Variants in PIWIL2 observed in about 807,000 individuals in gnomAD.
PIWIL2 encodes the protein piwi like RNA-mediated gene silencing 2.
In PIWIL2, 81 loss-of-function variants were observed where a neutral mutation model predicts 116.5. That is an observed-to-expected ratio of 0.70 (90% CI 0.58 to 0.84). The LOEUF (loss-of-function observed/expected upper bound fraction) is 0.84, where lower values mean the gene tolerates loss of function less well. Among genes scored for constraint, PIWIL2 ranks in the 40% least tolerant of loss-of-function variants. The probability of loss-of-function intolerance (pLI) is 0.00; values close to 1 mark genes in which losing one functional copy is unlikely to be tolerated. For synonymous variants in PIWIL2, 489 were observed against 429.5 expected (o/e 1.14, Z -1.71); for missense variants, 1,272 against 1,212.3 (o/e 1.05, Z -0.73).
At position 22,309,758 on chromosome 8, in the gene PIWIL2, A is replaced by G. The variant is rs573581817; in HGVS notation, c.1687-203A>G. On this transcript the variant is annotated intron_variant, in intron 14 of 22. Transcript: ENST00000356766. ...CTTCAATAATGAAAGACTAGTACCT[A>G]TAATAATTTTACCTATATAAATGTA... Among the ~76,000 whole-genome samples, 174 of 152,360 alleles carry G rather than the reference A, an allele frequency of 1.1e-3. 1 individual carries two copies. The highest frequency in any genetic ancestry group is 4.0e-3 in the African/African-American group (167 of 41,600).
At chr8:22,344,318 A>G (rs1832177332) in intron 20 of PIWIL2, among the ~76,000 whole-genome samples, 1 of 152,220 alleles carries the variant, frequency 6.6e-6, no homozygotes, top group South Asian at 2.1e-4. Flanking sequence ...CAACACAAAT[A>G]TGTAAACTGT....
rs779519599 is a variant in PIWIL2, at chr8:22,289,804, A to G, written c.987-43A>G. On this transcript the variant is annotated intron_variant, in intron 8 of 22. Transcript: ENST00000356766. ...GCTAAGAATAATGGAACATAATTTT[A>G]TTACTCTTCTATTAGAAAACTCATA... 3 of 1,157,458 alleles carry G rather than the reference A, an allele frequency of 2.6e-6. No homozygotes were observed. In the South Asian group the frequency reaches 3.7e-5, roughly 14 times the overall value. 71.7% of individuals were successfully genotyped at this position (1,157,458 alleles called of 1,614,324 possible). A position where few individuals can be genotyped will look rare whatever the true frequency, so the allele number is the denominator to read the frequency against.
At chr8:22,335,635 C>CCT (rs1326849921) in intron 20 of PIWIL2, among the ~76,000 whole-genome samples, 1 of 150,130 alleles carries the variant, frequency 6.7e-6, no homozygotes, top group African/African-American at 2.5e-5. Flanking sequence ...GCAGCGTCTG[C>CCT]CTCCTGGGTT....
At chr8:22,317,630 A>G (rs1259359506) in intron 19 of PIWIL2, among the ~76,000 whole-genome samples, 1 of 151,886 alleles carries the variant, frequency 6.6e-6, no homozygotes, top group Non-Finnish European at 1.5e-5. Flanking sequence ...AATATCCACA[A>G]TTACACTTTT....
At chr8:22,275,867 A>C (rs1830354764) in intron 1 of PIWIL2, 1 of 152,326 alleles carries the variant, frequency 6.6e-6, no homozygotes, top group Non-Finnish European at 1.5e-5. Context: ...CCTTTCGGAC[A>C]GCCAAGTATC....
chr8:22,284,426 A>T (rs1394273409), intron 6 of PIWIL2, among the ~76,000 whole-genome samples, 154 bp downstream of exon 6: 1 of 152,186 alleles, frequency 6.6e-6, no homozygotes, highest in Non-Finnish European at 1.5e-5. Context: ...GTTTAAGGTT[A>T]ATCTTAAACT....
intron 20 of PIWIL2, among the ~76,000 whole-genome samples, chr8:22,327,853 A>G (rs1052030800): frequency 3.9e-5 from 6 of 152,156 alleles, no homozygotes; most frequent in African/African-American, 1.2e-4. Flanking sequence ...TCTGGAAACT[A>G]TACTCTTATC....
chr8:22,353,197 T>A lies in PIWIL2; in HGVS notation c.2642T>A (p.Ile881Lys), dbSNP rs1397440632. The A allele has an allele frequency of 3.1e-6, 5 of 1,612,124 alleles. No homozygotes were observed. Among genetic ancestry groups the A allele is most frequent in the Non-Finnish European group, 4.2e-6 (5 of 1,178,486 alleles). The change falls in exon 21 of 23, where the codon ATA (isoleucine) becomes AAA (lysine). Residue 881 changes from isoleucine to lysine, a missense_variant. By Grantham distance (102) the Ile-to-Lys change is moderately radical. Coordinates refer to ENST00000356766, the MANE Select transcript of PIWIL2 (RefSeq NM_018068.5). ...CCTGGAACTGTGGTAGATCATACAA[T>A]AACAAGCTGTGAGTGGTAAGTGAGC... ...PTPGTVVDHT[I>K]TSCEWVDFYL...
Position 22,284,151 on chromosome 8 carries a change from T to G in PIWIL2, c.633-11T>G. The G allele has an allele frequency of 6.6e-7, 1 of 1,509,108 alleles. No individual in the cohort carries two copies. The highest frequency in any genetic ancestry group is 1.4e-5 in the African/African-American group (1 of 71,078). 93.5% of individuals were successfully genotyped at this position (1,509,108 alleles called of 1,614,324 possible). ...TGATATATGCAGTTGCTTTTTGTTT[T>G]TATTTTCTAGAGAGCTTATTGTGAA... On this transcript the variant is annotated splice_polypyrimidine_tract_variant and intron_variant, in intron 5 of 22. Coordinates refer to ENST00000356766, the MANE Select transcript of PIWIL2 (RefSeq NM_018068.5).
At chr8:22,306,423 A>C (rs1216449916) in intron 13 of PIWIL2, among the ~76,000 whole-genome samples, 2 of 152,228 alleles carry the variant, frequency 1.3e-5, no homozygotes, top group Non-Finnish European at 2.9e-5. Context: ...TGGAGAAGAT[A>C]ATGAGGCAAA....
intron 20 of PIWIL2, among the ~76,000 whole-genome samples, chr8:22,334,429 G>C (rs1180572752): frequency 6.6e-6 from 1 of 151,674 alleles, no homozygotes; most frequent in East Asian, 2.0e-4. Flanking sequence ...GACTGAGGCA[G>C]GAGAATCGCT....
intron 20 of PIWIL2, among the ~76,000 whole-genome samples, chr8:22,323,704 A>G (rs1831660450): frequency 6.6e-6 from 1 of 152,232 alleles, no homozygotes; most frequent in South Asian, 2.1e-4. Context: ...ATATAACCTG[A>G]AATGTAAGAG....
At chr8:22,287,254 A>G (rs1830648709) in intron 6 of PIWIL2, among the ~76,000 whole-genome samples, 1 of 152,188 alleles carries the variant, frequency 6.6e-6, no homozygotes, top group African/African-American at 2.4e-5. Flanking sequence ...CTCAAAAACA[A>G]ATGTGTATAT....
chr8:22,286,665 A>G (rs1391761296), intron 6 of PIWIL2, among the ~76,000 whole-genome samples: 1 of 152,132 alleles, frequency 6.6e-6, no homozygotes, highest in Non-Finnish European at 1.5e-5. Context: ...TCTGTTGCGC[A>G]GGCCGGAGTG....
At position 22,287,572 on chromosome 8, in the gene PIWIL2, A is replaced by G. The variant is rs1830657614; in HGVS notation, c.788A>G (p.Asp263Gly). The G allele has an allele frequency of 5.0e-6, 8 of 1,613,950 alleles. No homozygotes were observed. Among genetic ancestry groups the G allele is most frequent in the Non-Finnish European group, 6.8e-6 (8 of 1,179,796 alleles). Residue 263 changes from aspartate to glycine, a missense_variant, in exon 7 of 23, where the codon GAC becomes GGC. Coordinates refer to ENST00000356766, the MANE Select transcript of PIWIL2 (RefSeq NM_018068.5). Reference protein sequence around the residue: ...CKSMRFGMLKDHQAVTGNVTA... With the variant: ...CKSMRFGMLKGHQAVTGNVTA... ...AGCATGAGGTTCGGCATGTTGAAGG[A>G]CCATCAAGCTGTCACCGGCAACGTC...
intron 10 of PIWIL2, among the ~76,000 whole-genome samples, chr8:22,297,612 G>T (rs1052875014): frequency 1.3e-5 from 2 of 152,158 alleles, no homozygotes; most frequent in African/African-American, 4.8e-5. Flanking sequence ...AGTGCAATGG[G>T]CACAAGGACC....
chr8:22,314,640 T>C (rs1039565841), intron 17 of PIWIL2, among the ~76,000 whole-genome samples: 12 of 152,204 alleles, frequency 7.9e-5, no homozygotes, highest in African/African-American at 2.9e-4. Flanking sequence ...ATGAACAGTT[T>C]CGCTTGTTCC....
At chr8:22,285,920 C>T (rs1786706461) in intron 6 of PIWIL2, among the ~76,000 whole-genome samples, 1 of 152,066 alleles carries the variant, frequency 6.6e-6, no homozygotes, top group African/African-American at 2.4e-5. Flanking sequence ...GCTGGGATTA[C>T]CGGCATGAGC....
intron 1 of PIWIL2, chr8:22,276,170 A>C (rs1830363438): frequency 6.6e-6 from 1 of 152,300 alleles, no homozygotes; most frequent in African/African-American, 2.4e-5. Flanking sequence ...CTGCGTTTAG[A>C]GTGTGAAAGA....
Sources: allele counts gnomAD v4.1 joint callset (sites outside exome capture counted in the v4.1 genomes callset), GRCh38; gene constraint gnomAD v4.1.1; transcripts MANE v1.5; gene names NCBI Gene and HGNC (gene_info 2026-07-23, HGNC 2026-07-21).